CD163: variants seen among roughly 807,000 people sequenced by gnomAD.
CD163 encodes the protein CD163 molecule, also known as scavenger receptor cysteine-rich type 1 protein M130.
CD163 carries 64 observed loss-of-function variants against 129.2 expected under a neutral mutation model. That is an observed-to-expected ratio of 0.50 (90% CI 0.41 to 0.61). The LOEUF (loss-of-function observed/expected upper bound fraction) is 0.61. CD163 is among the 20% of genes least tolerant of loss of function. CD163 has a pLI of 0.00. For synonymous variants in CD163, 446 were observed against 478.5 expected (o/e 0.93, Z 0.89); for missense variants, 1,061 against 1,377.9 (o/e 0.77, Z 3.64).
rs1949000246 is a variant in CD163 at position 7,471,349 on chromosome 12, T to C, written c.*80A>G. On this transcript the variant is annotated 3_prime_UTR_variant, in exon 17 of 17. Transcript: ENST00000432237. ...ATAGTCAGTGAGAGAGGTGAATTTC[T>C]GCTCCATTCAATAGTCCAGGTCTTC... 1 of 152,282 alleles carries C rather than the reference T, an allele frequency of 6.6e-6. No homozygotes were observed. The highest frequency in any genetic ancestry group is 1.5e-5 in the Non-Finnish European group (1 of 68,036). 9.4% of individuals were successfully genotyped at this position (152,282 alleles called of 1,614,324 possible).
At position 7,497,018 on chromosome 12, in the gene CD163, G is replaced by GT; in HGVS notation, c.893dup (p.Tyr298Ter). 1 of 1,614,040 alleles carries GT rather than the reference G, an allele frequency of 6.2e-7. No individual in the cohort carries two copies. The highest frequency in any genetic ancestry group is 1.1e-5 in the South Asian group (1 of 91,072). The change falls in exon 5 of 17, where the codon TAC (tyrosine) becomes TAAC (stop). Residue 298 changes from tyrosine to a stop codon, truncating the protein, a stop_gained and frameshift_variant. Transcript: ENST00000432237. LOFTEE classifies it high-confidence loss of function. ...GTICDDGWDS[Y>*]DAAVACKQLG... ...GTTGCTTGCATGCCACAGCAGCATCGTAACTGTCCCAGCCGTCATCACATA... is the reference window on the plus strand; with the variant it reads ...GTTGCTTGCATGCCACAGCAGCATCGTTAACTGTCCCAGCCGTCATCACATA...
chr12:7,476,885 T>C (rs1182336066), intron 16 of CD163, among the ~76,000 whole-genome samples: 6 of 152,094 alleles, frequency 3.9e-5, no homozygotes, highest in African/African-American at 1.4e-4. Context: ...CTTTAACAAA[T>C]CTACAAGAGA....
At position 7,481,263 on chromosome 12, in the gene CD163, A is replaced by C. The variant is rs527873042; in HGVS notation, c.3248-7T>G. ...TTCTCTCCTCTTGAGGAAACTGAAAACAGAGATCCCTAGGTTAGGGATCAG... is the reference window on the plus strand; with the variant it reads ...TTCTCTCCTCTTGAGGAAACTGAAACCAGAGATCCCTAGGTTAGGGATCAG... On this transcript the variant is annotated splice_polypyrimidine_tract_variant and splice_region_variant and intron_variant, in intron 14 of 16. Transcript: ENST00000432237. 5.0e-6 allele frequency: 8 copies of C among 1,608,660 alleles called. No homozygotes were observed. The highest frequency in any genetic ancestry group is 1.3e-5 in the African/African-American group (1 of 74,784).
At position 7,471,041 on chromosome 12, in the gene CD163, T is replaced by A. The variant is rs1948995115; in HGVS notation, c.*388A>T. On this transcript the variant is annotated 3_prime_UTR_variant, in exon 17 of 17. Coordinates refer to ENST00000432237, the MANE Select transcript of CD163 (RefSeq NM_203416.4). ...TATTCAAACCAAATAAGAAAAAATA[T>A]ACAGTACTGTATATGCAAATTGAAA... The A allele has an allele frequency of 6.6e-6, 1 of 152,070 alleles. No individual in the cohort carries two copies. Among genetic ancestry groups the A allele is most frequent in the East Asian group, 1.9e-4 (1 of 5,204 alleles). 9.4% of individuals were successfully genotyped at this position (152,070 alleles called of 1,614,324 possible).
At chr12:7,499,715 T>C (rs768377994) in intron 3 of CD163, among the ~76,000 whole-genome samples, 1 of 152,248 alleles carries the variant, frequency 6.6e-6, no homozygotes, top group South Asian at 2.1e-4. Flanking sequence ...GCAGTAGATG[T>C]TACTTTTGTT....
chr12:7,494,202 A>G (rs1365655644), intron 6 of CD163, among the ~76,000 whole-genome samples: 1 of 152,232 alleles, frequency 6.6e-6, no homozygotes, highest in Non-Finnish European at 1.5e-5. Flanking sequence ...AAGAGTTTAC[A>G]CTTTTTTATT....
At position 7,495,316 on chromosome 12, in the gene CD163, C is replaced by T. The variant is rs1404437885; in HGVS notation, c.1185G>A (p.Gly395=). ...GTCCCCAGCCTCTGTCACACACCTT[C>T]CCTAACAGTCTCTGAATCTCCACCT... ...TVEVEIQRLL[G]KVCDRGWGLK... Residue 395 remains glycine (G), a synonymous_variant, in exon 6 of 17, where the codon GGG becomes GGA. Transcript: ENST00000432237. The T allele has an allele frequency of 1.9e-6, 3 of 1,614,182 alleles. No individual in the cohort carries two copies. The highest frequency in any genetic ancestry group is 1.7e-5 in the Admixed American group (1 of 60,010).
chr12:7,499,314 G>T, intron 3 of CD163, 126 bp from the exon 4 acceptor site: 2 of 761,078 alleles, frequency 2.6e-6, no homozygotes, highest in Non-Finnish European at 2.2e-6. Flanking sequence ...TTTGGACATT[G>T]CCCAGCTCCA....
In CD163 at chr12:7,494,845, T is replaced by G. The variant is rs139843648; in HGVS notation, c.1420+236A>C. 6.2e-4 allele frequency among the ~76,000 whole-genome samples: 94 copies of G among 152,344 alleles called. No homozygotes were observed. In the East Asian group the frequency reaches 6.8e-3, roughly 11 times the overall value. On this transcript the variant is annotated intron_variant, in intron 6 of 16. Coordinates refer to ENST00000432237, the MANE Select transcript of CD163 (RefSeq NM_203416.4). ...TTTAAATTTTAATCCTCCTTAATCT[T>G]ATACCTCTATTGATCTAAAAATTAC...
intron 4 of CD163, among the ~76,000 whole-genome samples, chr12:7,498,146 C>CACACACAGAG (rs537347284): frequency 6.7e-6 from 1 of 148,860 alleles, no homozygotes; most frequent in African/African-American, 2.5e-5. Context: ...CACACACACA[C>CACACACAGAG]AGAGAGAGAG....
intron 16 of CD163, among the ~76,000 whole-genome samples, chr12:7,478,439 A>G (rs1332521193): frequency 1.3e-5 from 2 of 152,120 alleles, no homozygotes; most frequent in Admixed American, 1.3e-4. Flanking sequence ...TTATAATTTC[A>G]ATCCTCCAGA....
chr12:7,501,794 T>C lies in CD163; in HGVS notation c.134-332A>G, dbSNP rs751292729. Reference sequence around the variant, plus strand: ...TTAAATAAGATGCTACAAAACGTTATGGGGATGAACTTTTTACATTTCTCC... The same window carrying C: ...TTAAATAAGATGCTACAAAACGTTACGGGGATGAACTTTTTACATTTCTCC... On this transcript the variant is annotated intron_variant, in intron 2 of 16. Coordinates refer to ENST00000432237, the MANE Select transcript of CD163 (RefSeq NM_203416.4). Among the ~76,000 whole-genome samples the C allele has an allele frequency of 1.3e-4, 20 of 152,324 alleles. No homozygotes were observed. In the East Asian group the frequency reaches 3.9e-3, roughly 29 times the overall value.
rs745981914 is a variant in CD163, at chr12:7,499,809, C to T, written c.458-621G>A. 3.6e-4 allele frequency among the ~76,000 whole-genome samples: 54 copies of T among 152,006 alleles called. 2 individuals carry two copies. In the South Asian group the frequency reaches 6.7e-3, roughly 19 times the overall value. ...GAGGAGAAGGAAGAGGAAGAGGAAGCGGAGAAAGAAGAAAGAGAACTGAGT... is the reference window on the plus strand; with the variant it reads ...GAGGAGAAGGAAGAGGAAGAGGAAGTGGAGAAAGAAGAAAGAGAACTGAGT... On this transcript the variant is annotated intron_variant, in intron 3 of 16. Coordinates refer to ENST00000432237, the MANE Select transcript of CD163 (RefSeq NM_203416.4).
At position 7,485,051 on chromosome 12, in the gene CD163, C is replaced by T. The variant is rs139599164; in HGVS notation, c.2779+45G>A. On this transcript the variant is annotated intron_variant, in intron 11 of 16. Coordinates refer to ENST00000432237, the MANE Select transcript of CD163 (RefSeq NM_203416.4). The surrounding 1 kb of genome is among the most constrained non-coding windows in gnomAD (Gnocchi z 4.5). ...AGTGTCCATTATCAGAAGATGATAGCGGGGCTGCAGAATGGAATTTTCATA... is the reference window on the plus strand; with the variant it reads ...AGTGTCCATTATCAGAAGATGATAGTGGGGCTGCAGAATGGAATTTTCATA... 1.7e-4 allele frequency: 252 copies of T among 1,470,070 alleles called. No individual in the cohort carries two copies. The African/African-American group carries it at 3.1e-3, about 18-fold the overall frequency. The allele number at this position is 1,470,070 out of a possible 1,614,324, so 91.1% of individuals were successfully genotyped here.
intron 14 of CD163, 89 bp from the exon 15 acceptor site, chr12:7,481,345 T>A: frequency 1.1e-6 from 1 of 900,832 alleles, no homozygotes; most frequent in Non-Finnish European, 1.8e-6. Flanking sequence ...GCTGCAAACA[T>A]ACCTCGTCTT....
intron 13 of CD163, 30 bp downstream of exon 13, chr12:7,482,936 G>T: frequency 1.2e-6 from 2 of 1,608,378 alleles, no homozygotes; most frequent in Non-Finnish European, 1.7e-6. Context: ...GCAGATAATT[G>T]GTCTCATCAT....
Position 7,485,392 on chromosome 12 carries a change from C to T in CD163, c.2483G>A (p.Ser828Asn). Residue 828 changes from serine to asparagine, a missense_variant, in exon 11 of 17, where the codon AGT (serine) becomes AAT (asparagine). Ser to Asn is a conservative substitution (Grantham distance 46). Transcript: ENST00000432237. This position sits in a 1 kb window ranked among gnomAD's most constrained non-coding sequence, Gnocchi z 4.5. ...TGCACAGGCCTCTCTGCTGGCTTCA[C>T]TGGTCAGTCTCAGAGACATGAATTC... Reference protein sequence around the residue: ...CSEFMSLRLTSEASREACAGR... With the variant: ...CSEFMSLRLTNEASREACAGR... 6.2e-7 allele frequency: 1 copy of T among 1,614,080 alleles called. No homozygotes were observed. Among genetic ancestry groups the T allele is most frequent in the Non-Finnish European group, 8.5e-7 (1 of 1,179,928 alleles).
chr12:7,497,162 G>T, intron 4 of CD163, 29 bp from the exon 5 acceptor site: 1 of 1,571,528 alleles, frequency 6.4e-7, no homozygotes, highest in South Asian at 1.1e-5. Flanking sequence ...ACAGGTCTGC[G>T]ATAAGGAAGC....
chr12:7,475,585 A>G (rs143555803), intron 16 of CD163, among the ~76,000 whole-genome samples: 1,860 of 152,314 alleles, frequency 0.012, 42 homozygotes, highest in African/African-American at 0.042. Context: ...GATGAAACGT[A>G]TCTCAAAATA....
Sources: allele counts gnomAD v4.1 joint callset (sites outside exome capture counted in the v4.1 genomes callset), GRCh38; gene constraint gnomAD v4.1.1; non-coding constraint Gnocchi (gnomAD v3.1); transcripts MANE v1.5; gene names NCBI Gene and HGNC (gene_info 2026-07-23, HGNC 2026-07-21).